The following MAF variants were observed in gnomAD, a reference collection of about 807,000 sequenced individuals.
MAF encodes transcription factor Maf.
A neutral mutation model predicts 22.0 loss-of-function variants in MAF; 10 were observed. The observed-to-expected ratio is 0.45, with a 90% CI of 0.28 to 0.77. MAF has a LOEUF of 0.77. MAF is among the 30% of genes least tolerant of loss of function. MAF has a pLI of 0.12. For missense variants in MAF, 544 were observed against 548.4 expected, an observed-to-expected ratio of 0.99 and a Z score of 0.08; for synonymous variants, 337 against 255.8, an observed-to-expected ratio of 1.32 and a Z score of -3.03.
At chr16:79,229,950 C>A in the MAF span, among the ~76,000 whole-genome samples, 2 of 151,980 alleles carry the variant, frequency 1.3e-5, no homozygotes, top group East Asian at 3.9e-4. Flanking sequence ...CACACAGCCC[C>A]GCCATCTAAT....
the MAF span, among the ~76,000 whole-genome samples, chr16:79,403,500 A>G: frequency 6.6e-6 from 1 of 152,140 alleles, no homozygotes; most frequent in Admixed American, 6.5e-5. Context: ...GCCTCTGTGC[A>G]TGCCCACTGC....
the MAF span, among the ~76,000 whole-genome samples, chr16:79,332,862 G>C: frequency 1.3e-5 from 2 of 152,174 alleles, no homozygotes; most frequent in Non-Finnish European, 2.9e-5. Flanking sequence ...TACCTGGAAG[G>C]GAAGTAGTTT....
chr16:79,446,197 A>G, the MAF span, among the ~76,000 whole-genome samples: 9 of 152,226 alleles, frequency 5.9e-5, no homozygotes, highest in South Asian at 6.2e-4. Context: ...TTGCTAAGCT[A>G]TGCAGATCCT....
the MAF span, among the ~76,000 whole-genome samples, chr16:79,550,346 G>GAA: frequency 6.7e-6 from 1 of 150,284 alleles, no homozygotes; most frequent in Non-Finnish European, 1.5e-5. Flanking sequence ...AGGAGAGAGA[G>GAA]AGAGACAGAC....
At chr16:79,503,812 T>C in the MAF span, among the ~76,000 whole-genome samples, 1 of 152,260 alleles carries the variant, frequency 6.6e-6, no homozygotes, top group Non-Finnish European at 1.5e-5. Context: ...CTCCGTAGTC[T>C]TGACCTTCTT....
chr16:79,549,705 G>A, the MAF span, among the ~76,000 whole-genome samples: 2 of 152,110 alleles, frequency 1.3e-5, no homozygotes, highest in South Asian at 2.1e-4. Context: ...TCATCTTGCA[G>A]CATCTAAAAA....
At chr16:79,347,746 C>T in the MAF span, among the ~76,000 whole-genome samples, 688 of 152,226 alleles carry the variant, frequency 4.5e-3, no homozygotes, top group Non-Finnish European at 8.0e-3. Flanking sequence ...TGGCACAACC[C>T]GGGCCAAGAG....
At chr16:79,597,524 T>A in intron 1 of MAF, 1 of 1,023,782 alleles carries the variant, frequency 9.8e-7, no homozygotes, top group Non-Finnish European at 1.2e-6. Flanking sequence ...TTTGCCAGGT[T>A]AAATGTGTAA....
rs1369285035 is a variant in MAF, at chr16:79,598,456, A to T, written c.1118+329T>A. ...GTCCGGGGGTGGGGCGGGGGGGTGT[A>T]AAAAAAAAAAAAAAACAAGCTAGCA... On this transcript the variant is annotated intron_variant, in intron 1 of 1. Coordinates refer to ENST00000326043, the MANE Select transcript of MAF (RefSeq NM_005360.5). 3.5e-4 allele frequency: 148 copies of T among 426,032 alleles called. No homozygotes were observed. The African/African-American group carries it at 0.011, about 31-fold the overall frequency. The allele number at this position is 426,032 out of a possible 1,614,324, so 26.4% of individuals were successfully genotyped here. A position where few individuals can be genotyped will look rare whatever the true frequency, so the allele number is the denominator to read the frequency against.
the MAF span, among the ~76,000 whole-genome samples, chr16:79,445,951 A>G: frequency 3.8e-4 from 58 of 152,306 alleles, no homozygotes; most frequent in Non-Finnish European, 7.1e-4. Context: ...CTCTTATTAA[A>G]GGGGACTTAA....
chr16:79,267,896 G>A, the MAF span, among the ~76,000 whole-genome samples: 953 of 152,026 alleles, frequency 6.3e-3, 14 homozygotes, highest in African/African-American at 0.021. Context: ...GTGGGCTGGG[G>A]AATACTCCAC....
the MAF span, among the ~76,000 whole-genome samples, chr16:79,489,705 G>C: frequency 4.6e-5 from 7 of 152,360 alleles, no homozygotes; most frequent in South Asian, 8.3e-4. Flanking sequence ...TTGCAGGGCA[G>C]AAGATGAGGG....
chr16:79,225,689 C>A, the MAF span, among the ~76,000 whole-genome samples: 4 of 151,940 alleles, frequency 2.6e-5, no homozygotes, highest in South Asian at 4.2e-4. Context: ...AGAAAAAAAA[C>A]CACACAACCC....
chr16:79,515,473 T>C, the MAF span, among the ~76,000 whole-genome samples: 5 of 152,342 alleles, frequency 3.3e-5, no homozygotes, highest in Non-Finnish European at 5.9e-5. Context: ...AAACAGACTT[T>C]GCGTTTGATG....
chr16:79,448,780 A>G, the MAF span, among the ~76,000 whole-genome samples: 9 of 152,092 alleles, frequency 5.9e-5, no homozygotes, highest in South Asian at 4.2e-4. Context: ...ACACAATGCT[A>G]CTACAGACTT....
the MAF span, among the ~76,000 whole-genome samples, chr16:79,377,410 G>C: frequency 2.0e-5 from 3 of 152,186 alleles, no homozygotes; most frequent in African/African-American, 7.2e-5. Flanking sequence ...TGAGTTCATT[G>C]TAGATTCTGG....
At chr16:79,489,327 A>G in the MAF span, among the ~76,000 whole-genome samples, 1 of 152,156 alleles carries the variant, frequency 6.6e-6, no homozygotes, top group Admixed American at 6.5e-5. Flanking sequence ...TCATTCATCC[A>G]TCCACCCATT....
the MAF span, among the ~76,000 whole-genome samples, chr16:79,214,436 ACCACTGTCGCCCGGGCTGCAGTG>A: frequency 6.6e-6 from 1 of 152,120 alleles, no homozygotes; most frequent in Non-Finnish European, 1.5e-5. Flanking sequence ...AGGCTACATT[ACCACTGTCGCCCGGGCTGCAGTG>A]CAATGGCATG....
At chr16:79,480,458 G>A in the MAF span, among the ~76,000 whole-genome samples, 1 of 151,888 alleles carries the variant, frequency 6.6e-6, no homozygotes, top group Non-Finnish European at 1.5e-5. Flanking sequence ...AAAGAAGGGA[G>A]ACGAGTCTTC....
Sources: gnomAD v4.1 joint callset for allele counts (sites outside exome capture counted in the v4.1 genomes callset) on GRCh38, gnomAD v4.1.1 for gene constraint, MANE v1.5 for transcripts, NCBI Gene and HGNC (gene_info 2026-07-23, HGNC 2026-07-21) for gene names.